The following LYRM4 variants were observed in gnomAD, a reference collection of about 807,000 sequenced individuals.
LYRM4 encodes LYR motif-containing protein 4.
Under a neutral mutation model 11.7 loss-of-function variants are expected in LYRM4, and 9 were observed. The ratio of observed to expected loss-of-function variants is 0.77; its 90% CI spans 0.46 to 1.34. The LOEUF (loss-of-function observed/expected upper bound fraction) is 1.34, where lower values mean the gene tolerates loss of function less well. LYRM4 is among the 40% of genes most tolerant of loss of function. The probability of loss-of-function intolerance (pLI) is 0.00; values close to 1 mark genes in which losing one functional copy is unlikely to be tolerated. For synonymous variants in LYRM4, 42 were observed against 40.4 expected, an observed-to-expected ratio of 1.04 and a Z score of -0.15; for missense variants, 133 against 112.5, an observed-to-expected ratio of 1.18 and a Z score of -0.82.
chr6:5,151,214 G>A (rs1040604417), intron 2 of LYRM4, among the ~76,000 whole-genome samples: 1 of 151,804 alleles, frequency 6.6e-6, no homozygotes, highest in Non-Finnish European at 1.5e-5. Flanking sequence ...CTCCTGAGTA[G>A]CTGGGACTAC....
chr6:5,099,713 G>A (rs978046192), downstream of LYRM4, among the ~76,000 whole-genome samples: 1 of 152,136 alleles, frequency 6.6e-6, no homozygotes, highest in Non-Finnish European at 1.5e-5. This position sits in a 1 kb window ranked among gnomAD's most constrained non-coding sequence, Gnocchi z 4.3. Context: ...GAGTTGCTGG[G>A]ATTACAGGTG....
intron 2 of LYRM4, among the ~76,000 whole-genome samples, chr6:5,183,304 A>G (rs998391): frequency 0.15 from 22,933 of 152,038 alleles, 5,334 homozygotes; most frequent in African/African-American, 0.5. Flanking sequence ...AACATCCTTC[A>G]TCTGCTGTGG....
chr6:5,176,066 A>AGT (rs140512571), intron 2 of LYRM4, among the ~76,000 whole-genome samples: 41,748 of 147,062 alleles, frequency 0.28, 6,206 homozygotes, highest in African/African-American at 0.35. Context: ...TTACGCTATT[A>AGT]ATTTTTTTTT....
chr6:5,076,857 G>A, the LYRM4 span, among the ~76,000 whole-genome samples: 10 of 152,174 alleles, frequency 6.6e-5, no homozygotes, highest in African/African-American at 1.9e-4. Context: ...AAGGACCTCC[G>A]TTCTTCTCTC....
chr6:5,160,978 G>A (rs1441156500), intron 2 of LYRM4, among the ~76,000 whole-genome samples: 1 of 152,158 alleles, frequency 6.6e-6, no homozygotes, highest in Non-Finnish European at 1.5e-5. Context: ...TAACTGCTCT[G>A]GACTTCAGCT....
chr6:5,065,316 T>G, the LYRM4 span, among the ~76,000 whole-genome samples: 1 of 152,040 alleles, frequency 6.6e-6, no homozygotes, highest in African/African-American at 2.4e-5. Flanking sequence ...TTTATATATT[T>G]ATTTTTATTT....
At chr6:5,214,917 C>T (rs999142681) in intron 2 of LYRM4, among the ~76,000 whole-genome samples, 2 of 151,550 alleles carry the variant, frequency 1.3e-5, no homozygotes, top group African/African-American at 2.4e-5. Flanking sequence ...TATTCTCCAT[C>T]GGGAACGTGC....
chr6:5,169,133 T>C (rs1027355231), intron 2 of LYRM4, among the ~76,000 whole-genome samples: 3 of 152,210 alleles, frequency 2.0e-5, no homozygotes, highest in African/African-American at 4.8e-5. Context: ...CTCACTATGC[T>C]ACCCAGGTTA....
chr6:5,221,649 G>A (rs1211210058), intron 1 of LYRM4, among the ~76,000 whole-genome samples: 3 of 152,178 alleles, frequency 2.0e-5, no homozygotes, highest in East Asian at 1.9e-4. Context: ...CCAAGATCGC[G>A]CCACTGCACT....
intron 1 of LYRM4, among the ~76,000 whole-genome samples, chr6:5,248,305 G>C (rs2753230): frequency 0.32 from 48,063 of 152,152 alleles, 10,322 homozygotes; most frequent in African/African-American, 0.61. Flanking sequence ...CAGGCCTCTG[G>C]AAACATCTGA....
At chr6:5,222,865 A>G (rs1020258276) in intron 1 of LYRM4, among the ~76,000 whole-genome samples, 1 of 152,178 alleles carries the variant, frequency 6.6e-6, no homozygotes, top group Non-Finnish European at 1.5e-5. Flanking sequence ...ATTCAAATCT[A>G]AAGCATGGAA....
chr6:5,046,563 TCAGCTGGGA>T, the LYRM4 span, among the ~76,000 whole-genome samples: 9 of 152,344 alleles, frequency 5.9e-5, no homozygotes, highest in East Asian at 1.9e-4. Flanking sequence ...ATCTGGTGCT[TCAGCTGGGA>T]CAGCTGGGAC....
intron 1 of LYRM4, among the ~76,000 whole-genome samples, chr6:5,217,476 A>T (rs897035575): frequency 2.0e-5 from 3 of 152,196 alleles, no homozygotes; most frequent in African/African-American, 7.2e-5. Flanking sequence ...GTTTGTGTGA[A>T]CTTGGGCAAG....
At chr6:5,066,482 C>T in the LYRM4 span, 2 of 766,154 alleles carry the variant, frequency 2.6e-6, no homozygotes, top group South Asian at 2.7e-5. Context: ...CTTGAGAAGC[C>T]ATAGCGGGTG....
the LYRM4 span, chr6:5,032,305 C>A: frequency 2.0e-5 from 3 of 152,134 alleles, no homozygotes; most frequent in Non-Finnish European, 4.4e-5. Flanking sequence ...ATTTCTATTT[C>A]TTGGGTCTGT....
intron 2 of LYRM4, among the ~76,000 whole-genome samples, chr6:5,215,101 G>A (rs1408189194): frequency 6.6e-6 from 1 of 151,618 alleles, no homozygotes; most frequent in East Asian, 1.9e-4. Flanking sequence ...CAGACAATTA[G>A]ATATAGCGGG....
chr6:5,168,375 A>G (rs1241811486), intron 2 of LYRM4, among the ~76,000 whole-genome samples: 1 of 152,248 alleles, frequency 6.6e-6, no homozygotes, highest in Non-Finnish European at 1.5e-5. Flanking sequence ...GGCATCGCCA[A>G]TAATGGAACT....
At chr6:5,181,783 G>A (rs562029941) in intron 2 of LYRM4, among the ~76,000 whole-genome samples, 22 of 152,256 alleles carry the variant, frequency 1.4e-4, no homozygotes, top group African/African-American at 4.3e-4. Flanking sequence ...ACTCCCTCTA[G>A]GTAATATAGT....
chr6:5,095,395 A>C, the LYRM4 span, among the ~76,000 whole-genome samples: 70,685 of 152,040 alleles, frequency 0.46, 17,684 homozygotes, highest in East Asian at 0.81. Context: ...CAAGTGGTAG[A>C]AGAAGATTCA....
Sources: gnomAD v4.1 joint callset for allele counts (sites outside exome capture counted in the v4.1 genomes callset) on GRCh38, gnomAD v4.1.1 for gene constraint, Gnocchi (gnomAD v3.1) non-coding constraint, MANE v1.5 for transcripts, NCBI Gene and HGNC (gene_info 2026-07-23, HGNC 2026-07-21) for gene names.